Variants in TSPAN8 observed in about 807,000 individuals in gnomAD.
TSPAN8 encodes tetraspanin 8.
Under a neutral mutation model 32.8 loss-of-function variants are expected in TSPAN8, and 21 were observed. The observed-to-expected ratio is 0.64, with a 90% CI of 0.45 to 0.92. TSPAN8 has a LOEUF of 0.92. Ranked by LOEUF, TSPAN8 falls within the 40% of genes least tolerant of loss-of-function variation. The probability of loss-of-function intolerance (pLI) is 0.00; values close to 1 mark genes in which losing one functional copy is unlikely to be tolerated. For missense variants in TSPAN8, 269 were observed against 281.9 expected (o/e 0.95, Z 0.33); for synonymous variants, 95 against 94.6 (o/e 1.00, Z -0.03).
At chr12:71,132,012 G>T (rs1176038291) in intron 7 of TSPAN8, among the ~76,000 whole-genome samples, 4 of 152,168 alleles carry the variant, frequency 2.6e-5, no homozygotes, top group Admixed American at 2.6e-4. Context: ...ATAGGAGGTG[G>T]TCAGTAAGTA....
intron 6 of TSPAN8, among the ~76,000 whole-genome samples, chr12:71,136,442 C>T (rs1331916953): frequency 6.6e-6 from 1 of 152,092 alleles, no homozygotes; most frequent in Non-Finnish European, 1.5e-5. Flanking sequence ...GATTAAGTGA[C>T]CTATAAAATT....
At chr12:71,135,114 TCC>T (rs1871639080) in intron 6 of TSPAN8, among the ~76,000 whole-genome samples, 1 of 152,038 alleles carries the variant, frequency 6.6e-6, no homozygotes, top group Non-Finnish European at 1.5e-5. Context: ...CTCCAGGTCA[TCC>T]AGCCAGAGTT....
chr12:71,138,036 G>C lies in TSPAN8; in HGVS notation c.361C>G (p.Leu121Val), dbSNP rs751276179. ...SKSDRIVNET[L>V]YENTKLLSAT... ...CTCAAAAGCTTTGTGTTTTCATAGA[G>C]AGTTTCATTCACAATGCGATCAGAC... The change falls in exon 6 of 9, where the codon CTC (leucine) becomes GTC (valine). Residue 121 changes from leucine (L) to valine (V), a missense_variant. Leu to Val is a conservative substitution (Grantham distance 32). Transcript: ENST00000247829. 2.5e-6 allele frequency: 4 copies of C among 1,613,948 alleles called. No individual in the cohort carries two copies. The highest frequency in any genetic ancestry group is 3.4e-6 in the Non-Finnish European group (4 of 1,179,974).
chr12:71,133,522 C>T (rs1301806630), intron 6 of TSPAN8, among the ~76,000 whole-genome samples: 1 of 152,138 alleles, frequency 6.6e-6, no homozygotes, highest in Non-Finnish European at 1.5e-5. Context: ...AGTGAAATTT[C>T]CACTCCATGA....
chr12:71,144,901 T>C (rs1469619684), intron 2 of TSPAN8, among the ~76,000 whole-genome samples: 2 of 151,996 alleles, frequency 1.3e-5, no homozygotes, highest in Non-Finnish European at 2.9e-5. Context: ...GCCAACACAA[T>C]AAAATGTAAA....
chr12:71,146,051 T>A (rs1459922360), intron 2 of TSPAN8, among the ~76,000 whole-genome samples: 1 of 152,152 alleles, frequency 6.6e-6, no homozygotes, highest in Non-Finnish European at 1.5e-5. Context: ...ATTAAATCAA[T>A]CATATCTGCC....
chr12:71,151,354 C>T (rs180823120), intron 2 of TSPAN8, among the ~76,000 whole-genome samples: 37 of 152,298 alleles, frequency 2.4e-4, no homozygotes, highest in Admixed American at 6.5e-4. Context: ...TGAGCCACCG[C>T]GCCTGGTCTC....
chr12:71,150,408 T>A lies in TSPAN8; in HGVS notation c.61-6195A>T, dbSNP rs375371341. Among the ~76,000 whole-genome samples the A allele has an allele frequency of 2.0e-5, 3 of 152,266 alleles. No individual in the cohort carries two copies. The East Asian group carries it at 5.8e-4, about 29-fold the overall frequency. On this transcript the variant is annotated intron_variant, in intron 2 of 8. Transcript: ENST00000247829. ...TCTCCTTTTTGCCCTTTGAAGTATG[T>A]GATCTTGTGACCTACTCCCTGTTCT...
intron 2 of TSPAN8, among the ~76,000 whole-genome samples, chr12:71,156,110 T>A (rs1592413382): frequency 6.6e-6 from 1 of 151,904 alleles, no homozygotes; most frequent in African/African-American, 2.4e-5. Flanking sequence ...ATATCTGAGA[T>A]GTGCTTCAAA....
At chr12:71,147,390 G>C (rs576687131) in intron 2 of TSPAN8, among the ~76,000 whole-genome samples, 2 of 152,276 alleles carry the variant, frequency 1.3e-5, no homozygotes, top group Non-Finnish European at 2.9e-5. Context: ...AGGAGGAGGA[G>C]TGGATTTTGA....
At chr12:71,152,471 T>G (rs1872287120) in intron 2 of TSPAN8, among the ~76,000 whole-genome samples, 1 of 152,200 alleles carries the variant, frequency 6.6e-6, no homozygotes, top group Non-Finnish European at 1.5e-5. Flanking sequence ...AGTTAATTCC[T>G]ACTTCTTTAT....
chr12:71,143,546 C>A (rs1453037889), intron 3 of TSPAN8, among the ~76,000 whole-genome samples: 1 of 152,128 alleles, frequency 6.6e-6, no homozygotes, highest in African/African-American at 2.4e-5. Flanking sequence ...ATACATATAG[C>A]AATAATCTGG....
intron 3 of TSPAN8, among the ~76,000 whole-genome samples, chr12:71,141,815 G>T (rs1871910992): frequency 6.6e-6 from 1 of 152,204 alleles, no homozygotes; most frequent in South Asian, 2.1e-4. Context: ...CTGTGTCCCT[G>T]TGTGTCTTAG....
intron 2 of TSPAN8, among the ~76,000 whole-genome samples, chr12:71,148,510 T>C (rs760803932): frequency 1.3e-5 from 2 of 152,230 alleles, no homozygotes; most frequent in Admixed American, 6.5e-5. Context: ...CTTCTTTCAC[T>C]GGGGTAGATC....
intron 6 of TSPAN8, among the ~76,000 whole-genome samples, chr12:71,137,178 C>T (rs1198386781): frequency 1.3e-5 from 2 of 152,060 alleles, no homozygotes; most frequent in African/African-American, 4.8e-5. Flanking sequence ...TACTCAGGAA[C>T]CTGAGGTGGG....
At chr12:71,154,345 AAT>A in intron 2 of TSPAN8, among the ~76,000 whole-genome samples, 1 of 148,490 alleles carries the variant, frequency 6.7e-6, no homozygotes, top group Middle Eastern at 3.6e-3. Flanking sequence ...TAATAATAAT[AAT>A]AATAATAATC....
chr12:71,139,211 A>G (rs1218327225), intron 4 of TSPAN8: 3 of 457,138 alleles, frequency 6.6e-6, no homozygotes, highest in African/African-American at 6.0e-5. Context: ...GCCATACCCA[A>G]GGCTTCTCAG....
At chr12:71,134,005 A>T (rs10784895) in intron 6 of TSPAN8, among the ~76,000 whole-genome samples, 59,350 of 151,950 alleles carry the variant, frequency 0.39, 12,646 homozygotes, top group East Asian at 0.57. Flanking sequence ...CTTACTGGGC[A>T]GGTAATCATT....
intron 2 of TSPAN8, among the ~76,000 whole-genome samples, chr12:71,149,487 T>C (rs1252401514): frequency 6.6e-6 from 1 of 151,982 alleles, no homozygotes; most frequent in African/African-American, 2.4e-5. Flanking sequence ...ACCAGCAGAG[T>C]AAATTAAAAT....
Sources: allele counts gnomAD v4.1 joint callset (sites outside exome capture counted in the v4.1 genomes callset), GRCh38; gene constraint gnomAD v4.1.1; transcripts MANE v1.5; gene names NCBI Gene and HGNC (gene_info 2026-07-23, HGNC 2026-07-21).